Variants in ATXN7L1 observed in about 807,000 individuals in gnomAD.
The protein encoded by ATXN7L1 is ataxin-7-like protein 1.
In ATXN7L1, 15 loss-of-function variants were observed where a neutral mutation model predicts 70.8. That is an observed-to-expected ratio of 0.21 (90% CI 0.14 to 0.33). ATXN7L1 has a LOEUF of 0.33. ATXN7L1 is among the 10% of genes least tolerant of loss of function. ATXN7L1 has a pLI of 1.00. For synonymous variants in ATXN7L1, 440 were observed against 445.1 expected, an observed-to-expected ratio of 0.99 and a Z score of 0.14; for missense variants, 975 against 1,097.1, an observed-to-expected ratio of 0.89 and a Z score of 1.57.
At chr7:105,689,671 A>T (rs1480947303) in intron 3 of ATXN7L1, among the ~76,000 whole-genome samples, 1 of 152,210 alleles carries the variant, frequency 6.6e-6, no homozygotes, top group Non-Finnish European at 1.5e-5. Flanking sequence ...GGGGAAGTGG[A>T]ACAGAGGCCC....
chr7:105,675,529 G>A (rs1389000718), intron 3 of ATXN7L1, among the ~76,000 whole-genome samples: 2 of 152,040 alleles, frequency 1.3e-5, no homozygotes, highest in African/African-American at 4.8e-5. Flanking sequence ...GGAGGTTGAG[G>A]TGGGAGGATT....
At chr7:105,746,726 T>G (rs927891608) in intron 3 of ATXN7L1, among the ~76,000 whole-genome samples, 3 of 152,222 alleles carry the variant, frequency 2.0e-5, no homozygotes, top group African/African-American at 4.8e-5. Flanking sequence ...TAGGATCTCC[T>G]TAGTACTGTA....
intron 3 of ATXN7L1, among the ~76,000 whole-genome samples, chr7:105,763,835 GTTTT>G (rs1018611397): frequency 6.7e-6 from 1 of 148,242 alleles, no homozygotes; most frequent in South Asian, 2.2e-4. Context: ...GCAAAATGTA[GTTTT>G]TTTTTTGTTG....
At chr7:105,797,441 C>T (rs950585164) in intron 2 of ATXN7L1, among the ~76,000 whole-genome samples, 3 of 152,176 alleles carry the variant, frequency 2.0e-5, no homozygotes, top group Non-Finnish European at 4.4e-5. Flanking sequence ...TGTATGGAGG[C>T]GAAGGGGCTG....
At chr7:105,773,376 G>A (rs1713630359) in intron 3 of ATXN7L1, among the ~76,000 whole-genome samples, 1 of 152,178 alleles carries the variant, frequency 6.6e-6, no homozygotes, top group Admixed American at 6.5e-5. Flanking sequence ...GCCCTGCACT[G>A]CCACACTATA....
chr7:105,624,385 C>T, intron 7 of ATXN7L1, 118 bp from the exon 8 acceptor site: 1 of 1,043,844 alleles, frequency 9.6e-7, no homozygotes, highest in Non-Finnish European at 1.2e-6. Flanking sequence ...GGTTCGGTGG[C>T]TCACGCCTGT....
chr7:105,724,500 G>A (rs1407464058), intron 3 of ATXN7L1, among the ~76,000 whole-genome samples: 2 of 148,196 alleles, frequency 1.3e-5, no homozygotes, highest in South Asian at 2.1e-4. Flanking sequence ...CTTGAACCCA[G>A]GAAGCAGAGG....
intron 3 of ATXN7L1, among the ~76,000 whole-genome samples, chr7:105,764,631 T>C (rs1358197104): frequency 6.6e-6 from 1 of 152,236 alleles, no homozygotes; most frequent in Admixed American, 6.5e-5. Context: ...TGGGGCAATG[T>C]GGAGGAATGA....
At chr7:105,784,260 G>A (rs1055906796) in intron 3 of ATXN7L1, among the ~76,000 whole-genome samples, 6 of 152,114 alleles carry the variant, frequency 3.9e-5, no homozygotes, top group African/African-American at 1.4e-4. Flanking sequence ...CACTGCGCCC[G>A]GCCCCAGCTA....
At chr7:105,845,126 A>G (rs1169527280) in intron 2 of ATXN7L1, among the ~76,000 whole-genome samples, 1 of 141,234 alleles carries the variant, frequency 7.1e-6, no homozygotes, top group Non-Finnish European at 1.5e-5. Flanking sequence ...GATTGCTTGA[A>G]CCTGGGAGGC....
intron 3 of ATXN7L1, among the ~76,000 whole-genome samples, chr7:105,748,412 G>C (rs1174890673): frequency 2.0e-5 from 3 of 152,144 alleles, no homozygotes; most frequent in African/African-American, 4.8e-5. Context: ...TGCAATAAAG[G>C]GTTGGGGAGG....
intron 3 of ATXN7L1, among the ~76,000 whole-genome samples, chr7:105,726,507 C>CT (rs1446566518): frequency 6.6e-6 from 1 of 152,188 alleles, no homozygotes; most frequent in African/African-American, 2.4e-5. Flanking sequence ...GAAAGCAGCG[C>CT]TGTCACCTTC....
At chr7:105,865,014 T>C (rs1208578340) in intron 2 of ATXN7L1, among the ~76,000 whole-genome samples, 1 of 152,192 alleles carries the variant, frequency 6.6e-6, no homozygotes, top group African/African-American at 2.4e-5. Context: ...CTTAAAGAAC[T>C]GGAGACATAC....
intron 2 of ATXN7L1, among the ~76,000 whole-genome samples, chr7:105,857,042 T>C (rs1211378405): frequency 6.6e-6 from 1 of 152,206 alleles, no homozygotes; most frequent in Non-Finnish European, 1.5e-5. Flanking sequence ...ATAATTTCTT[T>C]TTCTAAAAGC....
At chr7:105,780,978 G>A (rs529759043) in intron 3 of ATXN7L1, among the ~76,000 whole-genome samples, 2 of 152,270 alleles carry the variant, frequency 1.3e-5, no homozygotes, top group African/African-American at 2.4e-5. Flanking sequence ...ATATTTTACG[G>A]CAGTAGTTCC....
At chr7:105,736,314 G>A (rs953150991) in intron 3 of ATXN7L1, among the ~76,000 whole-genome samples, 1 of 152,246 alleles carries the variant, frequency 6.6e-6, no homozygotes, top group Admixed American at 6.5e-5. Flanking sequence ...CTTGCCACGT[G>A]TGCTTAATTA....
At chr7:105,789,077 C>T (rs1446721659) in intron 2 of ATXN7L1, among the ~76,000 whole-genome samples, 1 of 152,202 alleles carries the variant, frequency 6.6e-6, no homozygotes, top group Non-Finnish European at 1.5e-5. Context: ...GGGGAACTCC[C>T]CCAAACCCAT....
At chr7:105,823,547 T>A (rs1286878656) in intron 2 of ATXN7L1, among the ~76,000 whole-genome samples, 2 of 152,236 alleles carry the variant, frequency 1.3e-5, no homozygotes, top group Admixed American at 6.5e-5. Flanking sequence ...TTGTCTGATT[T>A]GTTCACTTCT....
intron 3 of ATXN7L1, among the ~76,000 whole-genome samples, chr7:105,667,428 G>A (rs1441489413): frequency 2.0e-5 from 2 of 98,136 alleles, no homozygotes; most frequent in South Asian, 5.8e-4. Flanking sequence ...GGCCGGGCGC[G>A]GTGGCTCACG....
Sources: gnomAD v4.1 joint callset for allele counts (sites outside exome capture counted in the v4.1 genomes callset) on GRCh38, gnomAD v4.1.1 for gene constraint, MANE v1.5 for transcripts, NCBI Gene and HGNC (gene_info 2026-07-23, HGNC 2026-07-21) for gene names.